The following CNTN4 variants were observed in gnomAD, a reference collection of about 807,000 sequenced individuals.
CNTN4 encodes contactin-4.
A neutral mutation model predicts 122.5 loss-of-function variants in CNTN4; 77 were observed. The ratio of observed to expected loss-of-function variants is 0.63; its 90% CI spans 0.52 to 0.76. The LOEUF (loss-of-function observed/expected upper bound fraction) is 0.76, where lower values mean the gene tolerates loss of function less well. Ranked by LOEUF, CNTN4 falls within the 30% of genes least tolerant of loss-of-function variation. The pLI is 0.00. For synonymous variants in CNTN4, 512 were observed against 447.0 expected (o/e 1.15, Z -1.83); for missense variants, 1,256 against 1,259.1 (o/e 1.00, Z 0.04).
rs1559260836 is a variant in CNTN4, at chr3:2,120,387, ATATATATATATATATATATT to A, written c.-145+19750_-145+19769del. 3.2e-3 allele frequency among the ~76,000 whole-genome samples: 289 copies of A among 89,366 alleles called. 6 individuals carry two copies. Among genetic ancestry groups the A allele is most frequent in the Middle Eastern group, 5.1e-3 (1 of 196 alleles). 58.6% of individuals were successfully genotyped at this position (89,366 alleles called of 152,430 possible). ...TATATATATATAAATATATATATATATATATATATATATATATATTTTTTTTTTTTTTTTTATGCAGAGTC... is the reference window on the plus strand; with the variant it reads ...TATATATATATAAATATATATATATATTTTTTTTTTTTTTTATGCAGAGTC... On this transcript the variant is annotated intron_variant, in intron 2 of 24. Transcript: ENST00000418658.
intron 3 of CNTN4, among the ~76,000 whole-genome samples, chr3:2,477,691 C>G (rs916835117): frequency 8.5e-5 from 13 of 152,158 alleles, no homozygotes; most frequent in African/African-American, 2.9e-4. Flanking sequence ...AGTACATAGT[C>G]TATGCATTTT....
intron 2 of CNTN4, among the ~76,000 whole-genome samples, chr3:2,141,992 C>A (rs1159906221): frequency 6.6e-6 from 1 of 152,170 alleles, no homozygotes; most frequent in Non-Finnish European, 1.5e-5. Flanking sequence ...CATTAGACCT[C>A]ACTACCATCA....
chr3:2,627,164 G>A (rs560295258), intron 4 of CNTN4, among the ~76,000 whole-genome samples: 1 of 152,170 alleles, frequency 6.6e-6, no homozygotes, highest in Admixed American at 6.5e-5. Context: ...CAGGTACCTG[G>A]GACAAATTGG....
In CNTN4 at chr3:2,605,244, C is replaced by A. The variant is rs548827915; in HGVS notation, c.55+33686C>A. ...TTTGAACTCCTGGTCTAAAGTGTTCCCGAGTTGGGATTACAGGCGTGAGCC... is the reference window on the plus strand; with the variant it reads ...TTTGAACTCCTGGTCTAAAGTGTTCACGAGTTGGGATTACAGGCGTGAGCC... On this transcript the variant is annotated intron_variant, in intron 4 of 24. Coordinates refer to ENST00000418658, the MANE Select transcript of CNTN4 (RefSeq NM_175607.3). 4.6e-5 allele frequency among the ~76,000 whole-genome samples: 7 copies of A among 152,200 alleles called. No homozygotes were observed. The South Asian group carries it at 1.0e-3, about 23-fold the overall frequency.
chr3:2,458,014 T>G (rs2049063706), intron 3 of CNTN4, among the ~76,000 whole-genome samples: 1 of 152,152 alleles, frequency 6.6e-6, no homozygotes, highest in Non-Finnish European at 1.5e-5. Context: ...ACCTTCCATT[T>G]TCAGAGTAAT....
At chr3:2,418,727 T>C (rs2047507696) in intron 3 of CNTN4, among the ~76,000 whole-genome samples, 1 of 152,166 alleles carries the variant, frequency 6.6e-6, no homozygotes, top group South Asian at 2.1e-4. Flanking sequence ...AAAGGTGTTA[T>C]ATTAAGAAAA....
intron 3 of CNTN4, among the ~76,000 whole-genome samples, chr3:2,519,181 A>G (rs1276105496): frequency 1.3e-5 from 2 of 152,136 alleles, no homozygotes; most frequent in African/African-American, 2.4e-5. Flanking sequence ...CCTTGTACCA[A>G]CTGTGTTTCA....
At chr3:2,524,802 AAG>A (rs2077342745) in intron 3 of CNTN4, among the ~76,000 whole-genome samples, 2 of 152,134 alleles carry the variant, frequency 1.3e-5, no homozygotes, top group African/African-American at 4.8e-5. Context: ...TCTGCTTATT[AAG>A]ACCATGATAA....
chr3:2,609,259 A>C (rs2149808953), intron 4 of CNTN4, among the ~76,000 whole-genome samples: 1 of 152,322 alleles, frequency 6.6e-6, no homozygotes, highest in Non-Finnish European at 1.5e-5. Flanking sequence ...TGAATGGATT[A>C]GCACCTTAGA....
chr3:2,962,829 G>A (rs1346786241), intron 13 of CNTN4, among the ~76,000 whole-genome samples: 2 of 152,218 alleles, frequency 1.3e-5, no homozygotes, highest in African/African-American at 4.8e-5. Context: ...TTAAAATAAT[G>A]TTGAACACCA....
intron 3 of CNTN4, among the ~76,000 whole-genome samples, chr3:2,493,394 A>G (rs2076369595): frequency 6.6e-6 from 1 of 151,694 alleles, no homozygotes; most frequent in Admixed American, 6.6e-5. Context: ...TCTTCAGGAA[A>G]ACTTTCCTGA....
At chr3:2,342,088 T>C (rs1417827105) in intron 3 of CNTN4, among the ~76,000 whole-genome samples, 3 of 152,254 alleles carry the variant, frequency 2.0e-5, no homozygotes, top group Non-Finnish European at 4.4e-5. Flanking sequence ...ATGTTCTTAT[T>C]ATATATCCAT....
At position 2,914,789 on chromosome 3, in the gene CNTN4, G is replaced by A. The variant is rs572492901; in HGVS notation, c.1208-10840G>A. Among the ~76,000 whole-genome samples the A allele has an allele frequency of 1.5e-4, 23 of 152,152 alleles. No homozygotes were observed. In the East Asian group the frequency reaches 3.5e-3, roughly 23 times the overall value. ...CCACATTTAAACTCATTCTGTAAGC[G>A]CAGCTTTATGTTAAAACCAAAAACA... On this transcript the variant is annotated intron_variant, in intron 12 of 24. Coordinates refer to ENST00000418658, the MANE Select transcript of CNTN4 (RefSeq NM_175607.3).
chr3:2,394,784 G>GTTTTTTTTTT (rs56027529), intron 3 of CNTN4, among the ~76,000 whole-genome samples: 1 of 108,486 alleles, frequency 9.2e-6, no homozygotes, highest in Non-Finnish European at 1.8e-5. Context: ...CCTTATATTA[G>GTTTTTTTTTT]TTTTTTTTTT....
intron 2 of CNTN4, among the ~76,000 whole-genome samples, chr3:2,208,666 C>T (rs1201820559): frequency 6.6e-6 from 1 of 152,148 alleles, no homozygotes; most frequent in Non-Finnish European, 1.5e-5. Context: ...ACAGAGAAAT[C>T]TTTCTCGAAA....
intron 4 of CNTN4, among the ~76,000 whole-genome samples, chr3:2,587,990 C>T (rs539100994): frequency 5.3e-5 from 8 of 152,064 alleles, no homozygotes; most frequent in Non-Finnish European, 7.4e-5. Context: ...TCTAGGTCAG[C>T]GTTTCCCAAA....
intron 2 of CNTN4, among the ~76,000 whole-genome samples, chr3:2,164,163 A>C (rs990947020): frequency 6.6e-6 from 1 of 152,140 alleles, no homozygotes; most frequent in Admixed American, 6.6e-5. Context: ...TACCCCCACA[A>C]CTATTGAAAT....
chr3:2,195,063 C>T (rs889997097), intron 2 of CNTN4, among the ~76,000 whole-genome samples: 1 of 152,166 alleles, frequency 6.6e-6, no homozygotes, highest in Non-Finnish European at 1.5e-5. Context: ...GATCCCCATT[C>T]CCTCCTTCCC....
At chr3:2,725,737 C>G (rs2088180645) in intron 4 of CNTN4, among the ~76,000 whole-genome samples, 1 of 152,028 alleles carries the variant, frequency 6.6e-6, no homozygotes, top group African/African-American at 2.4e-5. Flanking sequence ...CAAAAATGAA[C>G]AGTAAGTCCA....
Sources: allele counts gnomAD v4.1 joint callset (sites outside exome capture counted in the v4.1 genomes callset), GRCh38; gene constraint gnomAD v4.1.1; transcripts MANE v1.5; gene names NCBI Gene and HGNC (gene_info 2026-07-23, HGNC 2026-07-21).